The following PTPRM variants were observed in gnomAD, a reference collection of about 807,000 sequenced individuals.
The protein encoded by PTPRM is receptor-type tyrosine-protein phosphatase mu.
PTPRM carries 47 observed loss-of-function variants against 186.7 expected under a neutral mutation model. The observed-to-expected ratio is 0.25, with a 90% CI of 0.20 to 0.32. The LOEUF is 0.32. PTPRM is among the 10% of genes least tolerant of loss of function. PTPRM has a pLI of 1.00. For missense variants in PTPRM, 1,494 were observed against 1,865.0 expected, an observed-to-expected ratio of 0.80 and a Z score of 3.66; for synonymous variants, 668 against 674.9, an observed-to-expected ratio of 0.99 and a Z score of 0.16.
intron 7 of PTPRM, among the ~76,000 whole-genome samples, chr18:7,985,120 TAC>T (rs2082847570): frequency 1.5e-5 from 2 of 131,186 alleles, no homozygotes; most frequent in Non-Finnish European, 3.1e-5. Context: ...TAATTGTATA[TAC>T]ACATATAAAT....
chr18:8,376,173 G>C lies in PTPRM; in HGVS notation c.3299G>C (p.Ser1100Thr). The C allele has an allele frequency of 6.2e-7, 1 of 1,613,156 alleles. No homozygotes were observed. Among genetic ancestry groups the C allele is most frequent in the Non-Finnish European group, 8.5e-7 (1 of 1,179,750 alleles). Residue 1100 changes from serine to threonine, a missense_variant, in exon 25 of 33, where the codon AGT becomes ACT. Ser to Thr is a moderately conservative substitution (Grantham distance 58). Transcript: ENST00000580170. ...VRQVKSKSPPSAGPLVVHCSA... is the reference protein window; with the variant it reads ...VRQVKSKSPPTAGPLVVHCSA... ...CAAGTCAAGTCCAAGAGCCCGCCCA[G>C]TGCAGGCCCACTGGTGGTGCACTGC...
intron 1 of PTPRM, among the ~76,000 whole-genome samples, chr18:7,637,741 G>T (rs192901722): frequency 6.6e-6 from 1 of 152,184 alleles, no homozygotes; most frequent in East Asian, 1.9e-4. Flanking sequence ...CTTGTTGAAA[G>T]TTCCACTGCA....
intron 1 of PTPRM, among the ~76,000 whole-genome samples, chr18:7,658,330 T>TTATA (rs34009975): frequency 0.037 from 4,538 of 124,192 alleles, 113 homozygotes; most frequent in Middle Eastern, 0.051. Context: ...TAAAGTAAAT[T>TTATA]TATATATATA....
At chr18:8,136,591 C>T (rs1568402138) in intron 13 of PTPRM, among the ~76,000 whole-genome samples, 1 of 152,164 alleles carries the variant, frequency 6.6e-6, no homozygotes, top group Non-Finnish European at 1.5e-5. Context: ...GTTTGCCCTA[C>T]ACTGGAAATT....
At chr18:8,278,203 A>T (rs1236176871) in intron 19 of PTPRM, among the ~76,000 whole-genome samples, 4 of 152,256 alleles carry the variant, frequency 2.6e-5, no homozygotes, top group Non-Finnish European at 4.4e-5. Context: ...ATATCTATAC[A>T]GCAGGCAAAG....
intron 20 of PTPRM, among the ~76,000 whole-genome samples, chr18:8,298,794 A>G (rs1041901302): frequency 9.2e-5 from 14 of 152,170 alleles, no homozygotes; most frequent in African/African-American, 3.4e-4. Flanking sequence ...CCACTGCTGG[A>G]TGGGTGCTGG....
intron 14 of PTPRM, among the ~76,000 whole-genome samples, chr18:8,235,476 T>TTTTTTTTTTTTTTTTTTTTTTG (rs1481569126): frequency 2.2e-5 from 3 of 136,764 alleles, no homozygotes; most frequent in Non-Finnish European, 3.1e-5. Context: ...TTTTTTTTTT[T>TTTTTTTTTTTTTTTTTTTTTTG]TTTAGCCTGG....
chr18:8,024,725 C>T (rs2147999587), intron 7 of PTPRM, among the ~76,000 whole-genome samples: 1 of 134,650 alleles, frequency 7.4e-6, no homozygotes, highest in Non-Finnish European at 1.5e-5. Context: ...GCTTTGTCAC[C>T]CAGGCTGGAG....
chr18:7,726,908 G>A (rs1568057487), intron 1 of PTPRM, among the ~76,000 whole-genome samples: 1 of 152,192 alleles, frequency 6.6e-6, no homozygotes, highest in Non-Finnish European at 1.5e-5. Flanking sequence ...GTCAGAGAAA[G>A]TGCGTAAGTG....
chr18:8,402,064 C>T (rs754448291), intron 32 of PTPRM, among the ~76,000 whole-genome samples: 4 of 152,176 alleles, frequency 2.6e-5, no homozygotes, highest in Non-Finnish European at 5.9e-5. Flanking sequence ...TCCCCTGGAG[C>T]ACAGGGATGG....
chr18:7,880,516 T>C (rs1409318769), intron 2 of PTPRM, among the ~76,000 whole-genome samples: 6 of 152,196 alleles, frequency 3.9e-5, no homozygotes, highest in African/African-American at 1.4e-4. Flanking sequence ...AGGAAGGGCA[T>C]AGAAGAGGCA....
At chr18:8,385,481 G>A (rs2095766263) in intron 30 of PTPRM, among the ~76,000 whole-genome samples, 2 of 152,180 alleles carry the variant, frequency 1.3e-5, no homozygotes, top group Non-Finnish European at 2.9e-5. Context: ...AGGAGTCCAG[G>A]GAGCACCGAG....
intron 31 of PTPRM, among the ~76,000 whole-genome samples, chr18:8,392,543 C>G (rs533328946): frequency 1.6e-4 from 24 of 151,942 alleles, no homozygotes; most frequent in Middle Eastern, 3.4e-3. Context: ...AGGAGAATGG[C>G]GTGAACCCAG....
In PTPRM at chr18:8,039,603, G is replaced by T. The variant is rs76248434; in HGVS notation, c.1133-30083G>T. On this transcript the variant is annotated intron_variant, in intron 7 of 32. Coordinates refer to ENST00000580170, the MANE Select transcript of PTPRM (RefSeq NM_001105244.2). Reference sequence around the variant, plus strand: ...ACATGCTTTGAAATGTGTGTACCTTGTGGAATGGCTACGTTAAGCAAAATG... The same window carrying T: ...ACATGCTTTGAAATGTGTGTACCTTTTGGAATGGCTACGTTAAGCAAAATG... Among the ~76,000 whole-genome samples the T allele has an allele frequency of 3.2e-3, 481 of 152,250 alleles. 4 individuals are homozygous for T. Among genetic ancestry groups the T allele is most frequent in the African/African-American group, 0.011 (466 of 41,554 alleles).
At chr18:7,863,101 T>C (rs552103560) in intron 2 of PTPRM, among the ~76,000 whole-genome samples, 9 of 152,310 alleles carry the variant, frequency 5.9e-5, no homozygotes, top group Admixed American at 1.3e-4. Context: ...TCTTTTTAAG[T>C]ATAGAAATGG....
chr18:7,916,058 ATATG>A (rs2050539128), intron 4 of PTPRM, among the ~76,000 whole-genome samples: 1 of 151,938 alleles, frequency 6.6e-6, no homozygotes, highest in Admixed American at 6.6e-5. Context: ...CAGTGTGTAT[ATATG>A]GACATAAAAG....
At chr18:7,843,936 G>A (rs979667349) in intron 2 of PTPRM, among the ~76,000 whole-genome samples, 6 of 152,176 alleles carry the variant, frequency 3.9e-5, no homozygotes, top group African/African-American at 1.4e-4. Flanking sequence ...ACCACCTGGG[G>A]CTGCTGCTGG....
At chr18:8,322,588 TAGA>T (rs1438884074) in intron 22 of PTPRM, among the ~76,000 whole-genome samples, 3 of 152,174 alleles carry the variant, frequency 2.0e-5, no homozygotes, top group African/African-American at 7.2e-5. Context: ...TCTCTGTATG[TAGA>T]GGCAGGGCAG....
intron 7 of PTPRM, among the ~76,000 whole-genome samples, chr18:7,966,809 C>CCACGG (rs1445333872): frequency 7.6e-6 from 1 of 132,430 alleles, no homozygotes. Flanking sequence ...GGTCCTACGC[C>CCACGG]CACGGAGTCT....
Sources: allele counts gnomAD v4.1 joint callset (sites outside exome capture counted in the v4.1 genomes callset), GRCh38; gene constraint gnomAD v4.1.1; transcripts MANE v1.5; gene names NCBI Gene and HGNC (gene_info 2026-07-23, HGNC 2026-07-21).